The following DLGAP2 variants were observed in gnomAD, a reference collection of about 807,000 sequenced individuals.
DLGAP2 encodes the protein DLG associated protein 2.
DLGAP2 carries 26 observed loss-of-function variants against 100.3 expected under a neutral mutation model. That is an observed-to-expected ratio of 0.26 (90% CI 0.19 to 0.36). The LOEUF (loss-of-function observed/expected upper bound fraction) is 0.36, where lower values mean the gene tolerates loss of function less well. Among genes scored for constraint, DLGAP2 ranks in the 10% least tolerant of loss-of-function variants. The pLI is 1.00. For synonymous variants in DLGAP2, 886 were observed against 630.1 expected, an observed-to-expected ratio of 1.41 and a Z score of -6.08; for missense variants, 1,858 against 1,453.2, an observed-to-expected ratio of 1.28 and a Z score of -4.53.
chr8:1,499,325 C>G (rs1309001218), intron 3 of DLGAP2, among the ~76,000 whole-genome samples: 1 of 152,178 alleles, frequency 6.6e-6, no homozygotes, highest in Non-Finnish European at 1.5e-5. Context: ...AGAGCCCCTG[C>G]CTTGTCTCTG....
At chr8:913,164 G>A (rs1423515159) in intron 2 of DLGAP2, among the ~76,000 whole-genome samples, 1 of 152,202 alleles carries the variant, frequency 6.6e-6, no homozygotes, top group Non-Finnish European at 1.5e-5. Context: ...CAGGTTGGCA[G>A]ACCTAATTAT....
intron 13 of DLGAP2, among the ~76,000 whole-genome samples, chr8:1,695,329 C>A (rs1333478456): frequency 1.4e-5 from 2 of 141,302 alleles, no homozygotes; most frequent in Non-Finnish European, 3.0e-5. Flanking sequence ...GGGGCACAGC[C>A]ATGCCCGGCC....
chr8:1,007,650 C>T (rs1358827438), intron 2 of DLGAP2, among the ~76,000 whole-genome samples: 4 of 146,932 alleles, frequency 2.7e-5, no homozygotes, highest in Admixed American at 2.7e-4. Context: ...GGGGGATCTT[C>T]TGTGAGTCAA....
rs188806127 is a variant in DLGAP2, at chr8:1,670,937, G to A, written c.2202+1153G>A. ...AGGCGTCAGGAGGGGAGCTGCAGACGGCAGCCTTGCCAGGGCAGGAGGTGA... is the reference window on the plus strand; with the variant it reads ...AGGCGTCAGGAGGGGAGCTGCAGACAGCAGCCTTGCCAGGGCAGGAGGTGA... On this transcript the variant is annotated intron_variant, in intron 10 of 14. Coordinates refer to ENST00000637795, the MANE Select transcript of DLGAP2 (RefSeq NM_001346810.2). Among the ~76,000 whole-genome samples, 5 of 152,330 alleles carry A rather than the reference G, an allele frequency of 3.3e-5. No homozygotes were observed. The East Asian group carries it at 7.7e-4, about 24-fold the overall frequency.
intron 6 of DLGAP2, among the ~76,000 whole-genome samples, chr8:1,585,335 G>A (rs550056583): frequency 1.6e-3 from 244 of 150,014 alleles, no homozygotes; most frequent in Non-Finnish European, 2.6e-3. Context: ...ATTTTGGCCC[G>A]TGCCTGTAAT....
At chr8:1,090,249 C>T (rs1804130573) in intron 2 of DLGAP2, among the ~76,000 whole-genome samples, 1 of 150,584 alleles carries the variant, frequency 6.6e-6, no homozygotes, top group Non-Finnish European at 1.5e-5. Flanking sequence ...AACTCACACC[C>T]CGAGGACCTG....
At chr8:1,019,124 G>C (rs1306342322) in intron 2 of DLGAP2, 1 of 152,208 alleles carries the variant, frequency 6.6e-6, no homozygotes, top group Non-Finnish European at 1.5e-5. Flanking sequence ...AGCCACGCCA[G>C]CATTATCACG....
intron 2 of DLGAP2, among the ~76,000 whole-genome samples, chr8:919,670 C>T (rs1471640899): frequency 6.6e-6 from 1 of 152,192 alleles, no homozygotes; most frequent in African/African-American, 2.4e-5. Context: ...CAGCAAGTCC[C>T]TGGAGGAAAC....
intron 2 of DLGAP2, among the ~76,000 whole-genome samples, chr8:1,165,193 G>T (rs1796990640): frequency 6.7e-6 from 1 of 149,954 alleles, no homozygotes; most frequent in Non-Finnish European, 1.5e-5. Flanking sequence ...TGGGAGGGAA[G>T]GAGGGAGGTA....
intron 3 of DLGAP2, among the ~76,000 whole-genome samples, chr8:1,321,846 T>C (rs1441576800): frequency 3.2e-4 from 49 of 152,262 alleles, no homozygotes; most frequent in Admixed American, 3.1e-3. Flanking sequence ...TAAACAAGGG[T>C]TCCTTTCTTT....
At chr8:1,162,031 G>T (rs779244670) in intron 2 of DLGAP2, among the ~76,000 whole-genome samples, 7 of 152,230 alleles carry the variant, frequency 4.6e-5, no homozygotes, top group Non-Finnish European at 1.0e-4. Context: ...TGGACCAGCG[G>T]CCTGTGAGGG....
At chr8:765,140 G>C (rs1201585688) in intron 1 of DLGAP2, among the ~76,000 whole-genome samples, 1 of 152,156 alleles carries the variant, frequency 6.6e-6, no homozygotes, top group African/African-American at 2.4e-5. Context: ...TCCACGCCCA[G>C]GTTTCAGGAT....
intron 1 of DLGAP2, among the ~76,000 whole-genome samples, chr8:885,202 C>G (rs1480974263): frequency 6.6e-6 from 1 of 152,134 alleles, no homozygotes; most frequent in African/African-American, 2.4e-5. Flanking sequence ...AGCATTGAAT[C>G]CATAAATTGC....
chr8:840,783 G>A (rs1796969718), intron 1 of DLGAP2, among the ~76,000 whole-genome samples: 1 of 152,150 alleles, frequency 6.6e-6, no homozygotes, highest in African/African-American at 2.4e-5. Flanking sequence ...GCGTCTACAC[G>A]GTACATGCCT....
At chr8:1,311,094 G>A (rs553072342) in intron 3 of DLGAP2, among the ~76,000 whole-genome samples, 2 of 151,790 alleles carry the variant, frequency 1.3e-5, no homozygotes, top group African/African-American at 4.8e-5. Context: ...AAAGGAAAAT[G>A]GGGACATTAC....
intron 3 of DLGAP2, among the ~76,000 whole-genome samples, chr8:1,313,353 T>G (rs1800656084): frequency 6.6e-6 from 1 of 152,178 alleles, no homozygotes; most frequent in Non-Finnish European, 1.5e-5. Flanking sequence ...CAAATTTGTC[T>G]TCTTCACCAC....
intron 4 of DLGAP2, 64 bp from the exon 5 acceptor site, chr8:1,548,562 T>TC: frequency 7.2e-7 from 1 of 1,388,630 alleles, no homozygotes; most frequent in Non-Finnish European, 9.5e-7. Context: ...GGTCACATAT[T>TC]CCCCGCACCT....
chr8:1,125,126 C>A lies in DLGAP2; in HGVS notation c.74-133725C>A, dbSNP rs79635383. On this transcript the variant is annotated intron_variant, in intron 2 of 14. Transcript: ENST00000637795. ...CTCTGGCAGACTCGGACCATTTTCC[C>A]AAGATTGACTTTAAATATTTCCCCG... Among the ~76,000 whole-genome samples the A allele has an allele frequency of 2.0e-3, 308 of 152,316 alleles. 2 individuals carry two copies. Among genetic ancestry groups the A allele is most frequent in the African/African-American group, 6.9e-3 (286 of 41,562 alleles).
At chr8:1,039,672 C>G in intron 2 of DLGAP2, among the ~76,000 whole-genome samples, 1 of 92,730 alleles carries the variant, frequency 1.1e-5, no homozygotes, top group Non-Finnish European at 2.1e-5. Context: ...GTGGTCAGCT[C>G]GGTGTGCGTG....
Sources: allele counts gnomAD v4.1 joint callset (sites outside exome capture counted in the v4.1 genomes callset), GRCh38; gene constraint gnomAD v4.1.1; transcripts MANE v1.5; gene names NCBI Gene and HGNC (gene_info 2026-07-23, HGNC 2026-07-21).